The following SLC4A5 variants were observed in gnomAD, a reference collection of about 807,000 sequenced individuals.
SLC4A5 encodes electrogenic sodium bicarbonate cotransporter 4.
Under a neutral mutation model 120.4 loss-of-function variants are expected in SLC4A5, and 96 were observed. The observed-to-expected ratio is 0.80, with a 90% CI of 0.68 to 0.94. The LOEUF (loss-of-function observed/expected upper bound fraction) is 0.94, where lower values mean the gene tolerates loss of function less well. Ranked by LOEUF, SLC4A5 falls within the 40% of genes least tolerant of loss-of-function variation. The probability of loss-of-function intolerance (pLI) is 0.00; values close to 1 mark genes in which losing one functional copy is unlikely to be tolerated. For synonymous variants in SLC4A5, 550 were observed against 571.1 expected (o/e 0.96, Z 0.53); for missense variants, 1,259 against 1,459.5 (o/e 0.86, Z 2.24).
intron 27 of SLC4A5, among the ~76,000 whole-genome samples, chr2:74,226,303 C>T (rs1285177030): frequency 6.6e-6 from 1 of 152,192 alleles, no homozygotes; most frequent in African/African-American, 2.4e-5. Flanking sequence ...TTTGCTGACA[C>T]ACTCCAGGCT....
chr2:74,305,270 G>A (rs1672607094), intron 6 of SLC4A5, among the ~76,000 whole-genome samples: 1 of 152,130 alleles, frequency 6.6e-6, no homozygotes, highest in African/African-American at 2.4e-5. Context: ...AGCACACAGA[G>A]GTAGCTGGAA....
At position 74,264,135 on chromosome 2, in the gene SLC4A5, G is replaced by C. The variant is rs1163319094; in HGVS notation, c.715+12C>G. ...GCATGTCCCATGCCTACCAGCGTAA[G>C]GCCTGACTCACTTGTGGTGGAGACT... On this transcript the variant is annotated intron_variant, in intron 10 of 30. Transcript: ENST00000394019. 4 of 1,612,218 alleles carry C rather than the reference G, an allele frequency of 2.5e-6. No homozygotes were observed. The highest frequency in any genetic ancestry group is 3.4e-6 in the Non-Finnish European group (4 of 1,179,188).
intron 8 of SLC4A5, among the ~76,000 whole-genome samples, chr2:74,266,826 T>C (rs1671317066): frequency 6.6e-6 from 1 of 152,260 alleles, no homozygotes; most frequent in Admixed American, 6.5e-5. Flanking sequence ...ATGGACAGAT[T>C]TGATTGCACA....
exon 30 of SLC4A5, chr2:74,221,490 A>C: frequency 6.2e-7 from 1 of 1,614,182 alleles, no homozygotes; most frequent in Non-Finnish European, 8.5e-7. Flanking sequence ...CTCCAACTGG[A>C]AGATCTTTTT....
chr2:74,325,652 T>C (rs1673199832), intron 5 of SLC4A5, among the ~76,000 whole-genome samples: 1 of 152,174 alleles, frequency 6.6e-6, no homozygotes, highest in Non-Finnish European at 1.5e-5. Flanking sequence ...GAATGTCAGG[T>C]ATTTTGCTTT....
intron 8 of SLC4A5, among the ~76,000 whole-genome samples, chr2:74,283,995 G>A (rs904348352): frequency 1.1e-4 from 16 of 151,744 alleles, no homozygotes; most frequent in African/African-American, 2.7e-4. Flanking sequence ...GTGCCACCAC[G>A]CCTAGCTAAT....
chr2:74,226,180 CAGCCCGGGTCAAGAACCATGGACT>C lies in SLC4A5; in HGVS notation c.3090+753_3090+776del, dbSNP rs563267943. Among the ~76,000 whole-genome samples the C allele has an allele frequency of 2.8e-3, 434 of 152,298 alleles. 3 individuals are homozygous for C. The highest frequency in any genetic ancestry group is 0.01 in the African/African-American group (419 of 41,560). On this transcript the variant is annotated intron_variant, in intron 27 of 30. Transcript: ENST00000394019. ...GTTGATCTGGGTTGATTTTCATGGG[CAGCCCGGGTCAAGAACCATGGACT>C]AGACCCCTCCCAGCAGTGTGCACTT...
At chr2:74,229,104 C>CTTTTGTTTTTTTTTTTTT (rs1694962676) in intron 25 of SLC4A5, among the ~76,000 whole-genome samples, 1 of 98,590 alleles carries the variant, frequency 1.0e-5, no homozygotes. Flanking sequence ...TAGATTTGAG[C>CTTTTGTTTTTTTTTTTTT]TTTTTTTTTT....
intron 7 of SLC4A5, among the ~76,000 whole-genome samples, chr2:74,289,397 A>G (rs560083766): frequency 1.5e-4 from 23 of 152,076 alleles, no homozygotes; most frequent in African/African-American, 5.1e-4. Context: ...GCTCACTGCA[A>G]CCTCCACCAC....
rs954445875 is a variant in SLC4A5 at position 74,299,843 on chromosome 2, A to G, written c.271+4646T>C. 3.3e-5 allele frequency among the ~76,000 whole-genome samples: 5 copies of G among 152,228 alleles called. No homozygotes were observed. The East Asian group carries it at 9.6e-4, about 29-fold the overall frequency. ...CAAAACATAAAAGTAGAACTAGTAT[A>G]TGATCCAACAACCCCATCTCTGGGT... On this transcript the variant is annotated intron_variant, in intron 7 of 30. Coordinates refer to ENST00000394019, the Ensembl canonical transcript of SLC4A5.
At chr2:74,246,410 C>T (rs1440587285) in intron 19 of SLC4A5, among the ~76,000 whole-genome samples, 2 of 152,240 alleles carry the variant, frequency 1.3e-5, no homozygotes, top group African/African-American at 4.8e-5. Flanking sequence ...GTTCCTCATT[C>T]AGCTCTACAT....
intron 3 of SLC4A5, among the ~76,000 whole-genome samples, chr2:74,334,416 C>T (rs1306527956): frequency 6.6e-6 from 1 of 152,222 alleles, no homozygotes; most frequent in Non-Finnish European, 1.5e-5. Flanking sequence ...TACTGTTTCC[C>T]TAATCTTCAG....
At chr2:74,275,999 T>C (rs761376715) in intron 8 of SLC4A5, among the ~76,000 whole-genome samples, 17 of 152,238 alleles carry the variant, frequency 1.1e-4, no homozygotes, top group Non-Finnish European at 2.5e-4. Context: ...GCCTGCTTTA[T>C]ACCAGATTGG....
intron 7 of SLC4A5, among the ~76,000 whole-genome samples, chr2:74,302,776 G>C (rs1394234740): frequency 1.3e-5 from 2 of 152,160 alleles, no homozygotes; most frequent in Non-Finnish European, 2.9e-5. Flanking sequence ...TAAACTCTTT[G>C]AGCAGAGGGC....
intron 11 of SLC4A5, among the ~76,000 whole-genome samples, chr2:74,260,423 C>T (rs1423989293): frequency 6.6e-6 from 1 of 152,160 alleles, no homozygotes; most frequent in Non-Finnish European, 1.5e-5. Flanking sequence ...CGCTCCCACT[C>T]CTGTTGTTTC....
chr2:74,217,690 A>G (rs1186754613), exon 31 of SLC4A5: 2 of 152,226 alleles, frequency 1.3e-5, no homozygotes, highest in Non-Finnish European at 2.9e-5. Context: ...TTTTAGAAAC[A>G]TTTATCCACT....
At chr2:74,227,970 C>G (rs1694910585) in intron 25 of SLC4A5, 92 bp from the exon 26 acceptor site, 1 of 890,944 alleles carries the variant, frequency 1.1e-6, no homozygotes, top group African/African-American at 1.7e-5. Context: ...ACCACAGAGG[C>G]AGCTAGGAAA....
At chr2:74,221,480 C>T in exon 30 of SLC4A5, 1 of 1,614,198 alleles carries the variant, frequency 6.2e-7, no homozygotes. Context: ...GAGTGAGTAA[C>T]TCCAACTGGA....
chr2:74,254,528 T>G, intron 14 of SLC4A5, 91 bp downstream of exon 14: 1 of 994,892 alleles, frequency 1.0e-6, no homozygotes, highest in Non-Finnish European at 1.6e-6. Context: ...GGTGCTCAAA[T>G]GTGCTGGCTG....
Sources: gnomAD v4.1 joint callset for allele counts (sites outside exome capture counted in the v4.1 genomes callset) on GRCh38, gnomAD v4.1.1 for gene constraint, MANE v1.5 for transcripts, NCBI Gene and HGNC (gene_info 2026-07-23, HGNC 2026-07-21) for gene names.